TXNL4A: variants seen among roughly 807,000 people sequenced by gnomAD.
The protein encoded by TXNL4A is thioredoxin like 4A.
A neutral mutation model predicts 14.6 loss-of-function variants in TXNL4A; 17 were observed. The observed-to-expected ratio is 1.16, with a 90% confidence interval of 0.80 to 1.74. The LOEUF (loss-of-function observed/expected upper bound fraction) is 1.74. Among genes scored for constraint, TXNL4A ranks in the 40% most tolerant of loss-of-function variants. The probability of loss-of-function intolerance (pLI) is 0.00; values close to 1 mark genes in which losing one functional copy is unlikely to be tolerated. For synonymous variants in TXNL4A, 83 were observed against 70.6 expected (o/e 1.18, Z -0.88); for missense variants, 74 against 195.2 (o/e 0.38, Z 3.70).
chr18:79,981,163 G>A (rs1370723878), intron 1 of TXNL4A, among the ~76,000 whole-genome samples: 1 of 152,150 alleles, frequency 6.6e-6, no homozygotes, highest in Non-Finnish European at 1.5e-5. Flanking sequence ...CTTGCTCAGG[G>A]ACAGATACAA....
intron 1 of TXNL4A, among the ~76,000 whole-genome samples, chr18:80,032,874 GATAGCTTATCTTTACAGGTGCAGT>G (rs1226098287): frequency 8.5e-5 from 13 of 152,174 alleles, no homozygotes; most frequent in Admixed American, 7.2e-4. Context: ...AATGCAAATT[GATAGCTTATCTTTACAGGTGCAGT>G]CACCCTAGCC....
Position 79,982,512 on chromosome 18 carries a change from T to C in TXNL4A, c.154-4811A>G, listed in dbSNP as rs541283856. Among the ~76,000 whole-genome samples, 30 of 151,946 alleles carry C rather than the reference T, an allele frequency of 2.0e-4. No homozygotes were observed. The South Asian group carries it at 6.2e-3, about 32-fold the overall frequency. On this transcript the variant is annotated intron_variant, in intron 1 of 2. Transcript: ENST00000269601. This position sits in a 1 kb window ranked among gnomAD's most constrained non-coding sequence, Gnocchi z 4.0. ...GGCAGGTGCCAGGCTTGGGAGTGAG[T>C]GCAGAAGCCCACTGTAGAGTTGGGG...
chr18:79,989,051 C>T (rs1039603671), upstream of TXNL4A, among the ~76,000 whole-genome samples: 6 of 152,366 alleles, frequency 3.9e-5, no homozygotes, highest in African/African-American at 1.4e-4. Context: ...AAGCACTGGG[C>T]AGGCCGTCCT....
At position 80,011,984 on chromosome 18, in the gene TXNL4A, CT is replaced by C. The variant is rs2051773221; in HGVS notation, c.-61+21866del. On this transcript the variant is annotated intron_variant, in intron 1 of 2. Coordinates refer to the TXNL4A transcript ENST00000585474. This position sits in a 1 kb window ranked among gnomAD's most constrained non-coding sequence, Gnocchi z 4.1. Reference sequence around the variant, plus strand: ...TCCTTTTCCTCATCCCTTCCTCCCCCTCCCATCTGCCCTAAGAACAAAGAGC... The same window carrying C: ...TCCTTTTCCTCATCCCTTCCTCCCCCCCCATCTGCCCTAAGAACAAAGAGC... Among the ~76,000 whole-genome samples, 1 of 152,090 alleles carries C rather than the reference CT, an allele frequency of 6.6e-6. No homozygotes were observed. The highest frequency in any genetic ancestry group is 1.5e-5 in the Non-Finnish European group (1 of 68,022).
chr18:79,989,486 A>T (rs1248353922), upstream of TXNL4A, among the ~76,000 whole-genome samples: 4 of 152,184 alleles, frequency 2.6e-5, no homozygotes, highest in Non-Finnish European at 5.9e-5. Context: ...TTCGCTCACC[A>T]GTCAGAGCTC....
At chr18:79,977,747 G>T in intron 1 of TXNL4A, 46 bp from the exon 2 acceptor site, 1 of 1,210,882 alleles carries the variant, frequency 8.3e-7, no homozygotes, top group Non-Finnish European at 1.2e-6. Context: ...GAACACTTTG[G>T]CTTTCATTTT....
intron 1 of TXNL4A, among the ~76,000 whole-genome samples, chr18:79,984,152 A>C (rs1351780200): frequency 6.6e-6 from 1 of 152,194 alleles, no homozygotes; most frequent in African/African-American, 2.4e-5. Context: ...GTTTGTTTCT[A>C]CAAGATTCCT....
chr18:79,974,273 G>C (rs1284614487), intron 2 of TXNL4A, among the ~76,000 whole-genome samples: 2 of 152,156 alleles, frequency 1.3e-5, no homozygotes, highest in Non-Finnish European at 1.5e-5. Flanking sequence ...CCTGATAAAA[G>C]CAATGTGTAA....
chr18:80,008,088 G>A (rs925424671), intron 1 of TXNL4A, among the ~76,000 whole-genome samples: 15 of 152,142 alleles, frequency 9.9e-5, no homozygotes, highest in African/African-American at 2.9e-4. Flanking sequence ...GGAGGTCTGG[G>A]TTGTAATGAG....
Position 79,976,604 on chromosome 18 carries a change from C to T in TXNL4A, c.257+994G>A, listed in dbSNP as rs1211569761. On this transcript the variant is annotated intron_variant, in intron 2 of 2. Transcript: ENST00000269601. Reference sequence around the variant, plus strand: ...GGGCCCTGCCTGGATGTCTGACTTACAGAACTGTGAGCTCAGAAAAGCGGG... The same window carrying T: ...GGGCCCTGCCTGGATGTCTGACTTATAGAACTGTGAGCTCAGAAAAGCGGG... 9.8e-6 allele frequency: 3 copies of T among 306,164 alleles called. No individual in the cohort carries two copies. In the Admixed American group the frequency reaches 1.4e-4, roughly 14 times the overall value. 19.0% of individuals were successfully genotyped at this position (306,164 alleles called of 1,614,324 possible). A position where few individuals can be genotyped will look rare whatever the true frequency, so the allele number is the denominator to read the frequency against.
At chr18:80,008,923 G>A (rs989381947) in intron 1 of TXNL4A, among the ~76,000 whole-genome samples, 3 of 152,142 alleles carry the variant, frequency 2.0e-5, no homozygotes, top group Non-Finnish European at 2.9e-5. Context: ...GATTACAGGC[G>A]TGAGCCACCA....
chr18:79,980,928 G>C (rs753274505), intron 1 of TXNL4A, among the ~76,000 whole-genome samples: 1 of 152,188 alleles, frequency 6.6e-6, no homozygotes, highest in Non-Finnish European at 1.5e-5. Flanking sequence ...CTCTGACAAC[G>C]CCCATTTCTG....
intron 1 of TXNL4A, among the ~76,000 whole-genome samples, chr18:79,998,018 G>T (rs2051673855): frequency 6.6e-6 from 1 of 152,196 alleles, no homozygotes; most frequent in Admixed American, 6.5e-5. Flanking sequence ...CAGTGGACAG[G>T]CCCGGTGGCT....
upstream of TXNL4A, chr18:79,988,735 G>A: frequency 5.7e-6 from 1 of 176,288 alleles, no homozygotes; most frequent in Non-Finnish European, 1.2e-5. Context: ...AGCTGTCGGA[G>A]TGGGGGTTCC....
At chr18:80,004,905 C>T (rs893427827) in intron 1 of TXNL4A, among the ~76,000 whole-genome samples, 5 of 152,168 alleles carry the variant, frequency 3.3e-5, no homozygotes, top group African/African-American at 4.8e-5. Flanking sequence ...GAGTCCAGAA[C>T]AGAAGCCAGG....
intron 1 of TXNL4A, among the ~76,000 whole-genome samples, chr18:80,017,418 A>G (rs1022336370): frequency 6.6e-6 from 1 of 151,514 alleles, no homozygotes; most frequent in Non-Finnish European, 1.5e-5. Flanking sequence ...GAGTGGTGAG[A>G]GAGGGCATCC....
intron 1 of TXNL4A, among the ~76,000 whole-genome samples, chr18:80,017,758 G>A (rs561085013): frequency 6.6e-6 from 1 of 151,702 alleles, no homozygotes; most frequent in Admixed American, 6.6e-5. Context: ...TGCTGGATTC[G>A]GTTTGCCAGT....
At position 79,988,521 on chromosome 18, in the gene TXNL4A, G is replaced by C. The variant is rs569716153; in HGVS notation, c.-129C>G. 388 of 1,045,808 alleles carry C rather than the reference G, an allele frequency of 3.7e-4. 1 individual carries two copies. The African/African-American group carries it at 5.7e-3, about 15-fold the overall frequency. The allele number at this position is 1,045,808 out of a possible 1,614,324, so 64.8% of individuals were successfully genotyped here. ...CCACGGACGAAATCCGGTCCCGCCC[G>C]CACACGCAAACTCCGCTGGGACTGC... On this transcript the variant is annotated 5_prime_UTR_variant, in exon 1 of 3. Transcript: ENST00000269601.
In TXNL4A at chr18:79,972,245, C is replaced by CA. The variant is rs1194296403; in HGVS notation, c.*1439dup. 6.6e-6 allele frequency: 1 copy of CA among 152,234 alleles called. No homozygotes were observed. Among genetic ancestry groups the CA allele is most frequent in the African/African-American group, 2.4e-5 (1 of 41,452 alleles). 9.4% of individuals were successfully genotyped at this position (152,234 alleles called of 1,614,324 possible). Reference sequence around the variant, plus strand: ...TTATCCGCCTTTACCAAGGAGGAAACAAAGCTCAGAGAAGGTACCCTGCCC... The same window carrying CA: ...TTATCCGCCTTTACCAAGGAGGAAACAAAAGCTCAGAGAAGGTACCCTGCCC... On this transcript the variant is annotated 3_prime_UTR_variant, in exon 3 of 3. Transcript: ENST00000269601.
Sources: allele counts gnomAD v4.1 joint callset (sites outside exome capture counted in the v4.1 genomes callset), GRCh38; gene constraint gnomAD v4.1.1; non-coding constraint Gnocchi (gnomAD v3.1); transcripts MANE v1.5; gene names NCBI Gene and HGNC (gene_info 2026-07-23, HGNC 2026-07-21).